CTNNA3: variants seen among roughly 807,000 people sequenced by gnomAD.
CTNNA3 encodes catenin alpha-3.
A neutral mutation model predicts 95.7 loss-of-function variants in CTNNA3; 76 were observed. That is an observed-to-expected ratio of 0.79 (90% confidence interval 0.66 to 0.96). CTNNA3 has a LOEUF of 0.96. Among genes scored for constraint, CTNNA3 ranks in the 40% least tolerant of loss-of-function variants. The pLI, the probability that CTNNA3 is intolerant of heterozygous loss-of-function variation, is 0.00. For synonymous variants in CTNNA3, 431 were observed against 374.4 expected, an observed-to-expected ratio of 1.15 and a Z score of -1.74; for missense variants, 1,191 against 1,089.8, an observed-to-expected ratio of 1.09 and a Z score of -1.31.
At chr10:67,172,663 T>C (rs1343807089) in intron 7 of CTNNA3, among the ~76,000 whole-genome samples, 2 of 152,238 alleles carry the variant, frequency 1.3e-5, no homozygotes, top group Non-Finnish European at 2.9e-5. Flanking sequence ...ATTTTATGAA[T>C]CTTTGTCTCT....
intron 7 of CTNNA3, among the ~76,000 whole-genome samples, chr10:67,179,744 A>G (rs1456531433): frequency 6.6e-6 from 1 of 152,014 alleles, no homozygotes; most frequent in East Asian, 1.9e-4. Flanking sequence ...GAAGGATCAT[A>G]TGAGCCCAGG....
At chr10:67,135,229 G>T (rs1246543389) in intron 7 of CTNNA3, among the ~76,000 whole-genome samples, 3 of 152,088 alleles carry the variant, frequency 2.0e-5, no homozygotes, top group Non-Finnish European at 4.4e-5. Flanking sequence ...AGATGGCAGG[G>T]AATAAAAGAA....
intron 7 of CTNNA3, among the ~76,000 whole-genome samples, chr10:66,879,779 G>T (rs1221991027): frequency 6.6e-6 from 1 of 152,054 alleles, no homozygotes; most frequent in Non-Finnish European, 1.5e-5. Flanking sequence ...ATGATGCAGA[G>T]GTAGACCTGG....
At chr10:67,233,851 A>G (rs536700637) in intron 5 of CTNNA3, among the ~76,000 whole-genome samples, 113 of 152,348 alleles carry the variant, frequency 7.4e-4, no homozygotes, top group African/African-American at 2.5e-3. Flanking sequence ...TCCCACAGAA[A>G]TAGAAACTAC....
At chr10:66,838,265 T>G (rs1842944832) in intron 7 of CTNNA3, among the ~76,000 whole-genome samples, 1 of 152,124 alleles carries the variant, frequency 6.6e-6, no homozygotes. Context: ...TAGAAAGCCA[T>G]GTTTTCCACA....
chr10:67,569,260 T>G (rs959147337), intron 3 of CTNNA3, among the ~76,000 whole-genome samples: 1 of 152,146 alleles, frequency 6.6e-6, no homozygotes, highest in Non-Finnish European at 1.5e-5. Flanking sequence ...TCAACCATTA[T>G]GAGGTGTGCG....
intron 11 of CTNNA3, among the ~76,000 whole-genome samples, chr10:66,470,097 C>T (rs140752349): frequency 1.3e-5 from 2 of 151,664 alleles, no homozygotes; most frequent in African/African-American, 4.8e-5. Context: ...ATTTTTGAGA[C>T]CAAAAATCAG....
At chr10:66,750,237 A>G (rs920879919) in intron 9 of CTNNA3, among the ~76,000 whole-genome samples, 1 of 152,144 alleles carries the variant, frequency 6.6e-6, no homozygotes, top group Non-Finnish European at 1.5e-5. Context: ...CAGCATATCA[A>G]TTGTTTCCTT....
intron 7 of CTNNA3, among the ~76,000 whole-genome samples, chr10:67,088,986 A>G (rs931977818): frequency 6.6e-6 from 1 of 152,066 alleles, no homozygotes; most frequent in African/African-American, 2.4e-5. Flanking sequence ...ATGACTACTT[A>G]GATAGAATAT....
intron 7 of CTNNA3, among the ~76,000 whole-genome samples, chr10:66,947,799 A>C (rs1323449330): frequency 2.0e-5 from 3 of 152,208 alleles, no homozygotes; most frequent in Admixed American, 6.5e-5. Context: ...ACACTAAGTT[A>C]GGCTGGCCAA....
chr10:67,250,784 C>T (rs771079215), intron 5 of CTNNA3, among the ~76,000 whole-genome samples: 48 of 152,282 alleles, frequency 3.2e-4, no homozygotes, highest in Middle Eastern at 3.4e-3. Flanking sequence ...TATCACTTCA[C>T]GCCCACTAAG....
chr10:66,411,030 A>G lies in CTNNA3; in HGVS notation c.1532-31678T>C, dbSNP rs73307415. Among the ~76,000 whole-genome samples the G allele has an allele frequency of 8.0e-3, 1,223 of 152,360 alleles. 16 individuals are homozygous for G. Among genetic ancestry groups the G allele is most frequent in the African/African-American group, 0.028 (1,162 of 41,586 alleles). On this transcript the variant is annotated intron_variant, in intron 11 of 17. Coordinates refer to ENST00000433211, the MANE Select transcript of CTNNA3 (RefSeq NM_013266.4). ...CTGTGATTAGATTAATTTGAATTTC[A>G]ACATTCAACACATATTTAGCTTCTC... is the stretch of plus-strand genomic sequence containing the variant.
chr10:67,739,828 A>G lies in CTNNA3; in HGVS notation c.-2+23606T>C, dbSNP rs956476800. Among the ~76,000 whole-genome samples the G allele has an allele frequency of 2.0e-4, 30 of 152,188 alleles. 1 individual carries two copies. Among genetic ancestry groups the G allele is most frequent in the Non-Finnish European group, 2.9e-5 (2 of 68,042 alleles). On this transcript the variant is annotated intron_variant, in intron 1 of 17. Coordinates refer to the CTNNA3 transcript ENST00000684154. ...ACTACTTTAAAGTTCATATGGAACCAAAAAAGAGGCCGCATCGCCAAGTCA... is the reference window on the plus strand; with the variant it reads ...ACTACTTTAAAGTTCATATGGAACCGAAAAAGAGGCCGCATCGCCAAGTCA...
chr10:67,195,485 T>A (rs1444471253), intron 6 of CTNNA3, among the ~76,000 whole-genome samples: 1 of 135,848 alleles, frequency 7.4e-6, no homozygotes, highest in Non-Finnish European at 1.6e-5. Flanking sequence ...TTAATGTAGC[T>A]TTATAACATG....
chr10:67,752,842 A>G (rs538243769), intron 1 of CTNNA3, among the ~76,000 whole-genome samples: 2 of 152,362 alleles, frequency 1.3e-5, no homozygotes, highest in African/African-American at 4.8e-5. Context: ...AAATGGAAAA[A>G]CATTCCATGG....
At chr10:67,018,669 G>A (rs61308985) in intron 7 of CTNNA3, among the ~76,000 whole-genome samples, 2,631 of 152,240 alleles carry the variant, frequency 0.017, 86 homozygotes, top group African/African-American at 0.057. Context: ...CTTTTTAACC[G>A]TGGACAAGCC....
chr10:66,159,301 A>G (rs1013717352), intron 13 of CTNNA3, among the ~76,000 whole-genome samples: 13 of 152,144 alleles, frequency 8.5e-5, no homozygotes, highest in Non-Finnish European at 1.9e-4. Flanking sequence ...AGTTTGTCAT[A>G]GATGGCTTTT....
At chr10:67,468,380 A>G (rs974565642) in intron 5 of CTNNA3, among the ~76,000 whole-genome samples, 3 of 152,254 alleles carry the variant, frequency 2.0e-5, no homozygotes, top group African/African-American at 7.2e-5. Flanking sequence ...AAAAAAATGG[A>G]AAAGAAAGGA....
At chr10:66,561,722 C>T (rs1228249200) in intron 10 of CTNNA3, among the ~76,000 whole-genome samples, 2 of 152,034 alleles carry the variant, frequency 1.3e-5, no homozygotes, top group Admixed American at 6.6e-5. Context: ...AAGGAAAATG[C>T]TGCAGGGCTT....
Sources: allele counts gnomAD v4.1 joint callset (sites outside exome capture counted in the v4.1 genomes callset), GRCh38; gene constraint gnomAD v4.1.1; transcripts MANE v1.5; gene names NCBI Gene and HGNC (gene_info 2026-07-23, HGNC 2026-07-21).